Variants in PDE6A observed in about 807,000 individuals in gnomAD.
The protein encoded by PDE6A is phosphodiesterase 6A.
In PDE6A, 84 loss-of-function variants were observed where a neutral mutation model predicts 106.3. The ratio of observed to expected loss-of-function variants is 0.79; its 90% CI spans 0.66 to 0.95. The LOEUF (loss-of-function observed/expected upper bound fraction) is 0.95. Ranked by LOEUF, PDE6A falls within the 40% of genes least tolerant of loss-of-function variation. The probability of loss-of-function intolerance (pLI) is 0.00; values close to 1 mark genes in which losing one functional copy is unlikely to be tolerated. For synonymous variants in PDE6A, 394 were observed against 386.6 expected (o/e 1.02, Z -0.23); for missense variants, 1,052 against 1,084.9 (o/e 0.97, Z 0.43).
intron 17 of PDE6A, among the ~76,000 whole-genome samples, chr5:149,868,751 C>G (rs77134313): frequency 0.011 from 1,727 of 152,276 alleles, 43 homozygotes; most frequent in African/African-American, 0.04. Flanking sequence ...TGCTGTCCAT[C>G]TGTTTGGAGA....
chr5:149,864,273 C>T (rs1760246160), intron 20 of PDE6A, among the ~76,000 whole-genome samples: 1 of 151,230 alleles, frequency 6.6e-6, no homozygotes, highest in Non-Finnish European at 1.5e-5. Context: ...GAGTTTTGCT[C>T]TGTTGACCAG....
chr5:149,936,181 G>GGAA (rs1754177847), intron 1 of PDE6A, among the ~76,000 whole-genome samples: 1 of 151,244 alleles, frequency 6.6e-6, no homozygotes, highest in African/African-American at 2.4e-5. Context: ...AAGGAAGGAA[G>GGAA]GAAGGAAGGA....
chr5:149,941,915 C>G (rs893568711), intron 1 of PDE6A, among the ~76,000 whole-genome samples: 1 of 151,946 alleles, frequency 6.6e-6, no homozygotes, highest in Non-Finnish European at 1.5e-5. Context: ...TTCACCCAGC[C>G]GATTGGATGG....
intron 4 of PDE6A, among the ~76,000 whole-genome samples, chr5:149,929,478 G>C (rs1753961590): frequency 6.6e-6 from 1 of 152,018 alleles, no homozygotes. Flanking sequence ...ATGGTGGTGG[G>C]CGCCTGTAGT....
intron 12 of PDE6A, 138 bp downstream of exon 12, chr5:149,896,218 G>T: frequency 1.4e-6 from 1 of 707,448 alleles, no homozygotes; most frequent in Non-Finnish European, 2.4e-6. Flanking sequence ...ACTCATCTGT[G>T]CAACATGACT....
intron 13 of PDE6A, among the ~76,000 whole-genome samples, chr5:149,891,448 C>T (rs747649040): frequency 2.6e-5 from 4 of 152,040 alleles, no homozygotes; most frequent in Admixed American, 6.6e-5. Context: ...CCAGCCTGGG[C>T]GACAGAGCGA....
intron 5 of PDE6A, among the ~76,000 whole-genome samples, chr5:149,915,369 C>T (rs111550234): frequency 0.021 from 3,125 of 152,288 alleles, 95 homozygotes; most frequent in African/African-American, 0.071. Flanking sequence ...CTGAAACCAA[C>T]TTTGTCCTTT....
Position 149,860,081 on chromosome 5 carries a change from AG to A in PDE6A, c.*813del, listed in dbSNP as rs966861318. On this transcript the variant is annotated 3_prime_UTR_variant, in exon 22 of 22. Coordinates refer to ENST00000255266, the MANE Select transcript of PDE6A (RefSeq NM_000440.3). ...TAATTTTTGTATTTTTTGTAGAGAC[AG>A]GGTTTTGCCATTTTGCTCAGGTTGG... The A allele has an allele frequency of 1.3e-5, 2 of 152,194 alleles. No homozygotes were observed. The highest frequency in any genetic ancestry group is 4.8e-5 in the African/African-American group (2 of 41,432). The allele number at this position is 152,194 out of a possible 1,614,324, so 9.4% of individuals were successfully genotyped here.
At chr5:149,900,809 A>G (rs1752949804) in intron 8 of PDE6A, among the ~76,000 whole-genome samples, 1 of 152,136 alleles carries the variant, frequency 6.6e-6, no homozygotes, top group South Asian at 2.1e-4. Flanking sequence ...CCTAATCTTC[A>G]TGGAATCCCT....
At chr5:149,861,605 G>A (rs960685570) in intron 21 of PDE6A, among the ~76,000 whole-genome samples, 9 of 152,130 alleles carry the variant, frequency 5.9e-5, no homozygotes, top group African/African-American at 1.7e-4. Flanking sequence ...AGCTATGATC[G>A]TGCCACTGCG....
At chr5:149,886,443 G>A in intron 13 of PDE6A, 69 bp from the exon 14 acceptor site, 2 of 1,179,944 alleles carry the variant, frequency 1.7e-6, no homozygotes, top group South Asian at 2.5e-5. Flanking sequence ...GAAAAGGCGG[G>A]TGTAAGGAGG....
chr5:149,910,617 A>T lies in PDE6A; in HGVS notation c.999-3239T>A, dbSNP rs374749298. 2.0e-5 allele frequency among the ~76,000 whole-genome samples: 3 copies of T among 152,314 alleles called. No homozygotes were observed. The East Asian group carries it at 5.8e-4, about 29-fold the overall frequency. Reference sequence around the variant, plus strand: ...TTATTTTACATGGCAATTGAATTCAATGTGAATAGCAACCAGCAATGGTTG... The same window carrying T: ...TTATTTTACATGGCAATTGAATTCATTGTGAATAGCAACCAGCAATGGTTG... On this transcript the variant is annotated intron_variant, in intron 6 of 21. Transcript: ENST00000255266.
intron 7 of PDE6A, among the ~76,000 whole-genome samples, chr5:149,904,776 T>C (rs925662585): frequency 2.6e-5 from 4 of 151,964 alleles, no homozygotes; most frequent in Non-Finnish European, 4.4e-5. Context: ...GTTACTATCA[T>C]TGTCTCCTGA....
chr5:149,885,300 T>C (rs1561709871), intron 14 of PDE6A, among the ~76,000 whole-genome samples: 1 of 152,214 alleles, frequency 6.6e-6, no homozygotes, highest in Non-Finnish European at 1.5e-5. Flanking sequence ...ATGAAAGTAT[T>C]GAGAAGACTC....
chr5:149,877,983 G>C (rs1760800507), intron 17 of PDE6A, among the ~76,000 whole-genome samples: 1 of 152,186 alleles, frequency 6.6e-6, no homozygotes, highest in South Asian at 2.1e-4. Flanking sequence ...AGGGATGACT[G>C]TATTTCAAAT....
chr5:149,895,929 A>C (rs1376222591), intron 12 of PDE6A, among the ~76,000 whole-genome samples: 1 of 152,192 alleles, frequency 6.6e-6, no homozygotes, highest in Non-Finnish European at 1.5e-5. Context: ...TCTGCATATC[A>C]TATCCCACTG....
In PDE6A at chr5:149,886,375, C is replaced by T; in HGVS notation, c.1729-1G>A. On this transcript the variant is annotated splice_acceptor_variant, in intron 13 of 21. Coordinates refer to ENST00000255266, the MANE Select transcript of PDE6A (RefSeq NM_000440.3). LOFTEE classifies it high-confidence loss of function. Reference sequence around the variant, plus strand: ...TGAAGTAGCGCTTCAGCTTTCCCGTCTGGAAGGGCAATCAGAGTGCAAATC... The same window carrying T: ...TGAAGTAGCGCTTCAGCTTTCCCGTTTGGAAGGGCAATCAGAGTGCAAATC... 1 of 1,610,998 alleles carries T rather than the reference C, an allele frequency of 6.2e-7. No individual in the cohort carries two copies. The highest frequency in any genetic ancestry group is 8.5e-7 in the Non-Finnish European group (1 of 1,177,156).
chr5:149,936,229 A>G (rs776345877), intron 1 of PDE6A, among the ~76,000 whole-genome samples: 3 of 144,452 alleles, frequency 2.1e-5, no homozygotes, highest in Non-Finnish European at 4.5e-5. Context: ...CTCTGCATCT[A>G]TAGATTTCTT....
In PDE6A at chr5:149,944,327, T is replaced by A; in HGVS notation, c.347A>T (p.His116Leu). ...AELATRLFNVHKDAVLEDCLV... is the reference protein window; with the variant it reads ...AELATRLFNVLKDAVLEDCLV... The stretch of plus-strand genomic sequence containing the variant: ...GCAGTCCTCGAGGACAGCATCCTTG[T>A]GGACATTGAAAAGCCTGGTGGCCAG... Residue 116 changes from histidine to leucine, a missense_variant, in exon 1 of 22, where the codon CAC (histidine) becomes CTC (leucine). Coordinates refer to ENST00000255266, the MANE Select transcript of PDE6A (RefSeq NM_000440.3). 1 of 1,614,164 alleles carries A rather than the reference T, an allele frequency of 6.2e-7. No individual in the cohort carries two copies. Among genetic ancestry groups the A allele is most frequent in the Non-Finnish European group, 8.5e-7 (1 of 1,180,008 alleles).
Sources: allele counts gnomAD v4.1 joint callset (sites outside exome capture counted in the v4.1 genomes callset), GRCh38; gene constraint gnomAD v4.1.1; transcripts MANE v1.5; gene names NCBI Gene and HGNC (gene_info 2026-07-23, HGNC 2026-07-21).